Variants in TCN2 observed in about 807,000 individuals in gnomAD.
The protein encoded by TCN2 is transcobalamin-2.
In TCN2, 34 loss-of-function variants were observed where a neutral mutation model predicts 48.6. The observed-to-expected ratio is 0.70, with a 90% CI of 0.53 to 0.93. The LOEUF (loss-of-function observed/expected upper bound fraction) is 0.93. Among genes scored for constraint, TCN2 ranks in the 40% least tolerant of loss-of-function variants. The pLI, the probability that TCN2 is intolerant of heterozygous loss-of-function variation, is 0.00. For missense variants in TCN2, 652 were observed against 526.1 expected, an observed-to-expected ratio of 1.24 and a Z score of -2.34; for synonymous variants, 283 against 212.5, an observed-to-expected ratio of 1.33 and a Z score of -2.89.
intron 7 of TCN2, among the ~76,000 whole-genome samples, chr22:30,622,749 C>T (rs758544335): frequency 6.6e-6 from 1 of 152,144 alleles, no homozygotes; most frequent in African/African-American, 2.4e-5. Flanking sequence ...TCATGGTCAG[C>T]GTGGAGAGGA....
intron 6 of TCN2, 29 bp downstream of exon 6, chr22:30,615,816 C>T (rs748763337): frequency 4.3e-6 from 7 of 1,613,270 alleles, no homozygotes; most frequent in South Asian, 3.3e-5. Context: ...GAAGCACAGC[C>T]CTTTACAATC....
chr22:30,611,529 C>CTT (rs1317320702), intron 2 of TCN2, among the ~76,000 whole-genome samples: 2 of 152,220 alleles, frequency 1.3e-5, no homozygotes, highest in Admixed American at 6.5e-5. Flanking sequence ...CTTTTCTTTT[C>CTT]TTTCCTCTCA....
In TCN2 at chr22:30,615,401, AGAG is replaced by A; in HGVS notation, c.685_687del (p.Glu229del). ...TCACCATGGCCATCAGAACAGTGCGAGAGGAGATCTTGAAGGCCCAGACCCCCG... is the reference window on the plus strand; with the variant it reads ...TCACCATGGCCATCAGAACAGTGCGAGAGATCTTGAAGGCCCAGACCCCCG... On this transcript the variant is annotated inframe_deletion, in exon 5 of 9. Transcript: ENST00000215838. 1.2e-6 allele frequency: 2 copies of A among 1,614,160 alleles called. No individual in the cohort carries two copies. Among genetic ancestry groups the A allele is most frequent in the South Asian group, 2.2e-5 (2 of 91,080 alleles).
chr22:30,625,005 T>G (rs1447186358), intron 8 of TCN2, among the ~76,000 whole-genome samples: 1 of 152,150 alleles, frequency 6.6e-6, no homozygotes, highest in Non-Finnish European at 1.5e-5. Context: ...TCACCTGAGA[T>G]CAGTAGTTCA....
chr22:30,621,081 C>T (rs2087690536), intron 7 of TCN2, among the ~76,000 whole-genome samples: 1 of 152,100 alleles, frequency 6.6e-6, no homozygotes, highest in African/African-American at 2.4e-5. Flanking sequence ...CAACCTCCAC[C>T]TCCTGGGTTC....
Position 30,616,025 on chromosome 22 carries a change from TTGGA to T in TCN2, c.940+285_940+288del, listed in dbSNP as rs34383530. 0.48 allele frequency among the ~76,000 whole-genome samples: 71,277 copies of T among 149,158 alleles called. 18,400 individuals are homozygous for T. Among genetic ancestry groups the T allele is most frequent in the South Asian group, 0.62 (2,858 of 4,582 alleles). ...TGTGTGATACCCAGTACAGAAATGT[TTGGA>T]TGGATGGATGGATGGATGGATGGAT... On this transcript the variant is annotated intron_variant, in intron 6 of 8. Coordinates refer to ENST00000215838, the MANE Select transcript of TCN2 (RefSeq NM_000355.4).
chr22:30,612,965 A>AAC lies in TCN2; in HGVS notation c.350_351insAC (p.Phe118ArgfsTer90), dbSNP rs1371200045. 4.3e-6 allele frequency: 7 copies of AAC among 1,613,958 alleles called. No homozygotes were observed. Among genetic ancestry groups the AAC allele is most frequent in the African/African-American group, 1.3e-5 (1 of 74,874 alleles). ...CTGCTCGCTCTCAGAGCCAACTGTG[A>AAC]GTTTGTCAGGGGCCACAAGGGGGAC... On this transcript the variant is annotated frameshift_variant, in exon 3 of 9. Coordinates refer to ENST00000215838, the MANE Select transcript of TCN2 (RefSeq NM_000355.4). LOFTEE classifies it high-confidence loss of function.
rs761778896 is a variant in TCN2 at position 30,617,428 on chromosome 22, A to G, written c.1039A>G (p.Ile347Val). Residue 347 changes from isoleucine (I) to valine (V), a missense_variant, in exon 7 of 9, where the codon ATC becomes GTC. Coordinates refer to ENST00000215838, the MANE Select transcript of TCN2 (RefSeq NM_000355.4). ...LSLLPPYRQS[I>V]SVLAGSTVED... Reference sequence around the variant, plus strand: ...TCTCTTGCCGCCGTACAGACAGTCCATCTCTGTTCTGGCCGGGTCCACCGT... The same window carrying G: ...TCTCTTGCCGCCGTACAGACAGTCCGTCTCTGTTCTGGCCGGGTCCACCGT... The G allele has an allele frequency of 3.1e-6, 5 of 1,613,974 alleles. No individual in the cohort carries two copies. The highest frequency in any genetic ancestry group is 3.4e-6 in the Non-Finnish European group (4 of 1,179,980).
intron 7 of TCN2, among the ~76,000 whole-genome samples, chr22:30,621,765 T>G (rs1467226996): frequency 6.6e-6 from 1 of 152,204 alleles, no homozygotes; most frequent in Non-Finnish European, 1.5e-5. Context: ...ATTACAAGCA[T>G]GAGCCACAGT....
At chr22:30,622,352 AG>A (rs1295253697) in intron 7 of TCN2, among the ~76,000 whole-genome samples, 1 of 152,206 alleles carries the variant, frequency 6.6e-6, no homozygotes, top group Non-Finnish European at 1.5e-5. Context: ...AGAAACTCAA[AG>A]TTGAAGGCCA....
chr22:30,611,964 T>C (rs978951784), intron 2 of TCN2, among the ~76,000 whole-genome samples: 1 of 152,080 alleles, frequency 6.6e-6, no homozygotes, highest in Non-Finnish European at 1.5e-5. Context: ...AGACTAGGCA[T>C]AGTGGCTCAT....
rs1271526004 is a variant in TCN2, at chr22:30,623,787, T to TACACAC, written c.1222+707_1222+708insCACACA. 3.9e-3 allele frequency among the ~76,000 whole-genome samples: 8 copies of TACACAC among 2,064 alleles called. 3 individuals carry two copies. Among genetic ancestry groups the TACACAC allele is most frequent in the African/African-American group, 0.017 (6 of 358 alleles). The allele number at this position is 2,064 out of a possible 152,430, so 1.4% of individuals were successfully genotyped here. A position where few individuals can be genotyped will look rare whatever the true frequency, so the allele number is the denominator to read the frequency against. On this transcript the variant is annotated intron_variant, in intron 8 of 8. Coordinates refer to ENST00000215838, the MANE Select transcript of TCN2 (RefSeq NM_000355.4). ...ATATATATACACACATATATATGTA[T>TACACAC]ACATATATACACACATACACATATA...
rs1744406780 is a variant in TCN2, at chr22:30,615,699, G to C, written c.852G>C (p.Gln284His). Residue 284 changes from glutamine to histidine, a missense_variant, in exon 6 of 9, where the codon CAG becomes CAC. Transcript: ENST00000215838. ...CCAGTCTGCAGGATGGAGCCTTCCA[G>C]AATGCTCTCATGATTTCCCAGCTGC... ...LLASLQDGAF[Q>H]NALMISQLLP... is the part of the protein sequence containing the mutation. The C allele has an allele frequency of 2.5e-6, 4 of 1,614,220 alleles. No individual in the cohort carries two copies. Among genetic ancestry groups the C allele is most frequent in the East Asian group, 4.5e-5 (2 of 44,888 alleles).
At position 30,618,488 on chromosome 22, in the gene TCN2, G is replaced by A. The variant is rs575440832; in HGVS notation, c.1106+993G>A. Among the ~76,000 whole-genome samples, 203 of 151,838 alleles carry A rather than the reference G, an allele frequency of 1.3e-3. 1 individual carries two copies. Among genetic ancestry groups the A allele is most frequent in the African/African-American group, 4.2e-3 (173 of 41,382 alleles). ...TGCCTCAGCCTCCTGAGTAGCTGGC[G>A]CTACAGGCGCGTGCCACCATGCCCA... On this transcript the variant is annotated intron_variant, in intron 7 of 8. Coordinates refer to ENST00000215838, the MANE Select transcript of TCN2 (RefSeq NM_000355.4).
chr22:30,622,629 A>C (rs72558387), intron 7 of TCN2, among the ~76,000 whole-genome samples: 27 of 152,154 alleles, frequency 1.8e-4, no homozygotes, highest in East Asian at 7.7e-4. Flanking sequence ...TACACATTCT[A>C]GGTGACACCA....
chr22:30,621,096 G>T (rs540687534), intron 7 of TCN2, among the ~76,000 whole-genome samples: 1 of 152,202 alleles, frequency 6.6e-6, no homozygotes, highest in South Asian at 2.1e-4. Flanking sequence ...GGGTTCAAGC[G>T]ATTCTCCTGC....
chr22:30,612,234 C>A (rs2087551690), intron 2 of TCN2, among the ~76,000 whole-genome samples: 1 of 147,622 alleles, frequency 6.8e-6, no homozygotes, highest in Admixed American at 6.9e-5. Flanking sequence ...GACAGAGAGA[C>A]CCTATCTCAG....
In TCN2 at chr22:30,611,036, A is replaced by T. The variant is rs75680863; in HGVS notation, c.230A>T (p.Lys77Met). The T allele has an allele frequency of 1.1e-3, 1,714 of 1,614,076 alleles. 44 individuals carry two copies. In the East Asian group the frequency reaches 0.036, roughly 34 times the overall value. Residue 77 changes from lysine to methionine, a missense_variant, in exon 2 of 9, where the codon AAG (lysine) becomes ATG (methionine). Physicochemically the swap from Lys to Met is moderately conservative, Grantham distance 95 (BLOSUM62 -1). Transcript: ENST00000215838. Reference sequence around the variant, plus strand: ...GAAGACCTCTACCTGCACAGCCTCAAGCTTGGTTACCAGCAGTGCCTCCTA... The same window carrying T: ...GAAGACCTCTACCTGCACAGCCTCATGCTTGGTTACCAGCAGTGCCTCCTA... ...TKEDLYLHSLKLGYQQCLLGS... is the reference protein window; with the variant it reads ...TKEDLYLHSLMLGYQQCLLGS...
In TCN2 at chr22:30,617,297, C is replaced by T. The variant is rs146050210; in HGVS notation, c.941-33C>T. ...AAATAATCCAGGCTCTCTGTCCTCA[C>T]ACCAGCTGCCCGCCCCTTTCTTCCT... On this transcript the variant is annotated intron_variant, in intron 6 of 8. Transcript: ENST00000215838. 380 of 1,613,994 alleles carry T rather than the reference C, an allele frequency of 2.4e-4. 3 individuals are homozygous for T. The African/African-American group carries it at 4.2e-3, about 18-fold the overall frequency.
Sources: gnomAD v4.1 joint callset for allele counts (sites outside exome capture counted in the v4.1 genomes callset) on GRCh38, gnomAD v4.1.1 for gene constraint, MANE v1.5 for transcripts, NCBI Gene and HGNC (gene_info 2026-07-23, HGNC 2026-07-21) for gene names.